Variants in OSBPL6 observed in about 807,000 individuals in gnomAD.
The protein encoded by OSBPL6 is oxysterol-binding protein-related protein 6.
A neutral mutation model predicts 125.8 loss-of-function variants in OSBPL6; 49 were observed. The ratio of observed to expected loss-of-function variants is 0.39; its 90% CI spans 0.31 to 0.49. The LOEUF is 0.49. Ranked by LOEUF, OSBPL6 falls within the 20% of genes least tolerant of loss-of-function variation. The probability of loss-of-function intolerance (pLI) is 0.88; values close to 1 mark genes in which losing one functional copy is unlikely to be tolerated. For missense variants in OSBPL6, 986 were observed against 1,135.4 expected (o/e 0.87, Z 1.89); for synonymous variants, 394 against 391.8 (o/e 1.01, Z -0.07).
At chr2:178,338,840 G>C in intron 9 of OSBPL6, 151 bp from the exon 10 acceptor site, 1 of 577,090 alleles carries the variant, frequency 1.7e-6, no homozygotes, top group South Asian at 2.3e-5. Flanking sequence ...CACCAGAAAA[G>C]GGTCTGTTTT....
chr2:178,391,864 G>A (rs1053368090), intron 22 of OSBPL6, among the ~76,000 whole-genome samples: 3 of 152,132 alleles, frequency 2.0e-5, no homozygotes, highest in Non-Finnish European at 4.4e-5. Context: ...TAAATTTCCC[G>A]CTAGTAGAGT....
chr2:178,390,241 T>G (rs2154118321), intron 21 of OSBPL6, among the ~76,000 whole-genome samples: 1 of 152,346 alleles, frequency 6.6e-6, no homozygotes, highest in East Asian at 1.9e-4. Context: ...TGAGGCCAGG[T>G]TGGACCCTTC....
intron 11 of OSBPL6, chr2:178,344,396 A>G: frequency 1.3e-6 from 2 of 1,598,906 alleles, no homozygotes; most frequent in Non-Finnish European, 1.7e-6. Context: ...AAGTTTAATA[A>G]GAATGAGAAC....
intron 1 of OSBPL6, among the ~76,000 whole-genome samples, chr2:178,228,262 G>T (rs550683171): frequency 6.6e-6 from 1 of 152,204 alleles, no homozygotes; most frequent in East Asian, 1.9e-4. Context: ...ACGGCCGGGC[G>T]CGGTGGCTCA....
chr2:178,196,215 G>C lies in OSBPL6; in HGVS notation c.-351+1541G>C, dbSNP rs1335949867. ...TGTAATTCAGCAATAATCACCTACA[G>C]AGAATATGCATAGCCCTCATTGGGA... On this transcript the variant is annotated intron_variant, in intron 1 of 24. Coordinates refer to ENST00000190611, the MANE Select transcript of OSBPL6 (RefSeq NM_032523.4). 3.3e-5 allele frequency among the ~76,000 whole-genome samples: 5 copies of C among 152,162 alleles called. No individual in the cohort carries two copies. The East Asian group carries it at 9.6e-4, about 29-fold the overall frequency.
At chr2:178,345,723 T>C (rs1245514535) in intron 11 of OSBPL6, among the ~76,000 whole-genome samples, 3 of 152,202 alleles carry the variant, frequency 2.0e-5, no homozygotes, top group African/African-American at 7.2e-5. Context: ...AACAACTTAG[T>C]ATGGAAAGGA....
At chr2:178,219,718 CTGTTAAA>C (rs1296211872) in intron 1 of OSBPL6, among the ~76,000 whole-genome samples, 1 of 152,188 alleles carries the variant, frequency 6.6e-6, no homozygotes, top group African/African-American at 2.4e-5. Context: ...TAATTACGTG[CTGTTAAA>C]TCCAAGACCC....
chr2:178,268,287 G>A (rs895918858), intron 1 of OSBPL6, among the ~76,000 whole-genome samples: 10 of 151,984 alleles, frequency 6.6e-5, no homozygotes, highest in Non-Finnish European at 1.0e-4. Flanking sequence ...TCTCCATGTT[G>A]GCCAGGCTGA....
At chr2:178,283,693 C>T (rs777743131) in intron 1 of OSBPL6, among the ~76,000 whole-genome samples, 9 of 152,192 alleles carry the variant, frequency 5.9e-5, no homozygotes, top group Admixed American at 2.0e-4. Context: ...TTATTTGGCT[C>T]ATGGTTCTGC....
intron 17 of OSBPL6, 24 bp from the exon 18 acceptor site, chr2:178,384,015 C>A (rs1694719801): frequency 1.2e-6 from 2 of 1,610,826 alleles, no homozygotes; most frequent in African/African-American, 2.7e-5. Flanking sequence ...CTATATTATT[C>A]CCTTTTCTTC....
At chr2:178,353,853 G>A (rs1262530834) in intron 12 of OSBPL6, among the ~76,000 whole-genome samples, 1 of 152,210 alleles carries the variant, frequency 6.6e-6, no homozygotes, top group East Asian at 1.9e-4. Flanking sequence ...GAAAGGTCGG[G>A]TTACCCACAA....
At chr2:178,290,173 G>C (rs1014658786) in intron 2 of OSBPL6, among the ~76,000 whole-genome samples, 1 of 152,082 alleles carries the variant, frequency 6.6e-6, no homozygotes, top group East Asian at 1.9e-4. Flanking sequence ...TTTGTTAGCT[G>C]TCATTCTTTT....
Position 178,398,291 on chromosome 2 carries a change from T to C in OSBPL6, c.*2732T>C, listed in dbSNP as rs937310315. On this transcript the variant is annotated 3_prime_UTR_variant, in exon 25 of 25. Transcript: ENST00000190611. ...TCAGGCCTACTTTCTTGTTTTTTCC[T>C]AAAAGGATCTAGGATAGAGGAGAAC... 2.0e-5 allele frequency: 3 copies of C among 152,226 alleles called. No individual in the cohort carries two copies. The allele number at this position is 152,226 out of a possible 1,614,324, so 9.4% of individuals were successfully genotyped here.
intron 2 of OSBPL6, among the ~76,000 whole-genome samples, chr2:178,305,321 G>C (rs1374348874): frequency 2.6e-5 from 4 of 152,168 alleles, no homozygotes; most frequent in African/African-American, 9.7e-5. Flanking sequence ...TCTGACACAA[G>C]CTTTAACCTT....
At chr2:178,244,592 G>A (rs984119599) in intron 1 of OSBPL6, among the ~76,000 whole-genome samples, 1 of 152,202 alleles carries the variant, frequency 6.6e-6, no homozygotes, top group Non-Finnish European at 1.5e-5. Context: ...GGTTCTTAAA[G>A]ATAGTAGGTA....
intron 12 of OSBPL6, among the ~76,000 whole-genome samples, chr2:178,356,943 C>T (rs1485307323): frequency 6.6e-6 from 1 of 152,196 alleles, no homozygotes; most frequent in Non-Finnish European, 1.5e-5. Context: ...CACACATCTA[C>T]AACCATCTGA....
chr2:178,371,605 G>C (rs1693390805), intron 13 of OSBPL6, among the ~76,000 whole-genome samples: 1 of 152,020 alleles, frequency 6.6e-6, no homozygotes, highest in African/African-American at 2.4e-5. Flanking sequence ...TGTGCTCCTG[G>C]AAAATGAAAA....
At chr2:178,351,367 G>A (rs754908720) in intron 12 of OSBPL6, among the ~76,000 whole-genome samples, 1 of 152,074 alleles carries the variant, frequency 6.6e-6, no homozygotes, top group East Asian at 1.9e-4. Flanking sequence ...CCAAGAAACT[G>A]TTAGAGCTAA....
intron 1 of OSBPL6, among the ~76,000 whole-genome samples, chr2:178,256,101 G>C (rs1307951436): frequency 6.6e-6 from 1 of 152,140 alleles, no homozygotes; most frequent in East Asian, 1.9e-4. Flanking sequence ...GTGGTTTCCT[G>C]GGCTGATACA....
Sources: allele counts gnomAD v4.1 joint callset (sites outside exome capture counted in the v4.1 genomes callset), GRCh38; gene constraint gnomAD v4.1.1; transcripts MANE v1.5; gene names NCBI Gene and HGNC (gene_info 2026-07-23, HGNC 2026-07-21).